CACNA2D3: variants seen among roughly 807,000 people sequenced by gnomAD.
CACNA2D3 encodes calcium voltage-gated channel auxiliary subunit alpha2delta 3, also known as voltage-dependent calcium channel subunit alpha-2/delta-3.
In CACNA2D3, 60 loss-of-function variants were observed where a neutral mutation model predicts 160.6. That is an observed-to-expected ratio of 0.37 (90% confidence interval 0.30 to 0.46). CACNA2D3 has a LOEUF of 0.46. Ranked by LOEUF, CACNA2D3 falls within the 20% of genes least tolerant of loss-of-function variation. The pLI, the probability that CACNA2D3 is intolerant of heterozygous loss-of-function variation, is 1.00. For synonymous variants in CACNA2D3, 558 were observed against 492.9 expected, an observed-to-expected ratio of 1.13 and a Z score of -1.75; for missense variants, 1,205 against 1,365.0, an observed-to-expected ratio of 0.88 and a Z score of 1.85.
At chr3:54,610,444 T>TA (rs1384351709) in intron 9 of CACNA2D3, among the ~76,000 whole-genome samples, 1 of 152,014 alleles carries the variant, frequency 6.6e-6, no homozygotes, top group African/African-American at 2.4e-5. Context: ...TAATGCTTTT[T>TA]TTTTTTTAAG....
At chr3:54,892,271 A>G (rs1295052698) in intron 25 of CACNA2D3, among the ~76,000 whole-genome samples, 1 of 152,136 alleles carries the variant, frequency 6.6e-6, no homozygotes, top group East Asian at 1.9e-4. Flanking sequence ...AGAGGTTACC[A>G]CAGAACATTA....
chr3:54,222,621 A>G (rs6805548), intron 2 of CACNA2D3, among the ~76,000 whole-genome samples: 60,418 of 152,026 alleles, frequency 0.4, 12,432 homozygotes, highest in East Asian at 0.58. Context: ...TTCTAATCCC[A>G]CTACAATGTC....
intron 10 of CACNA2D3, among the ~76,000 whole-genome samples, chr3:54,636,281 A>G (rs2106833561): frequency 6.6e-6 from 1 of 152,090 alleles, no homozygotes; most frequent in East Asian, 1.9e-4. Context: ...AAAGAAGGAA[A>G]TATGGGAAAA....
At chr3:54,362,603 G>A (rs1270469995) in intron 3 of CACNA2D3, among the ~76,000 whole-genome samples, 2 of 152,168 alleles carry the variant, frequency 1.3e-5, no homozygotes, top group Non-Finnish European at 2.9e-5. Context: ...TCCTCATTCT[G>A]CATGTGGGGG....
intron 21 of CACNA2D3, among the ~76,000 whole-genome samples, chr3:54,884,776 C>T (rs750119636): frequency 3.9e-5 from 6 of 152,300 alleles, no homozygotes; most frequent in Non-Finnish European, 7.4e-5. Flanking sequence ...TGAGTATTGA[C>T]GACTTCATAT....
At chr3:55,053,561 A>T (rs1327138116) in intron 35 of CACNA2D3, among the ~76,000 whole-genome samples, 1 of 151,948 alleles carries the variant, frequency 6.6e-6, no homozygotes, top group Non-Finnish European at 1.5e-5. Flanking sequence ...ATGCTGTTTA[A>T]GTAGTATTAC....
intron 4 of CACNA2D3, among the ~76,000 whole-genome samples, chr3:54,443,731 G>A (rs1700178920): frequency 2.0e-5 from 3 of 152,156 alleles, no homozygotes; most frequent in Admixed American, 2.0e-4. Flanking sequence ...CTTCACATTC[G>A]TCTCTTGCCA....
At chr3:54,453,010 C>T (rs1446603040) in intron 4 of CACNA2D3, among the ~76,000 whole-genome samples, 1 of 151,416 alleles carries the variant, frequency 6.6e-6, no homozygotes, top group Non-Finnish European at 1.5e-5. Context: ...CTCTTTCTTT[C>T]TGACAGGGTC....
intron 11 of CACNA2D3, among the ~76,000 whole-genome samples, chr3:54,650,748 G>C (rs1027350976): frequency 1.3e-5 from 2 of 152,286 alleles, no homozygotes; most frequent in Admixed American, 1.3e-4. Flanking sequence ...TGTTCTACCT[G>C]CCTCAGTCTC....
intron 9 of CACNA2D3, among the ~76,000 whole-genome samples, chr3:54,589,476 C>T (rs9849666): frequency 4.1e-4 from 62 of 151,442 alleles, no homozygotes; most frequent in African/African-American, 1.5e-3. Context: ...AGATGTAGGG[C>T]TAGGCAAAGC....
In CACNA2D3 at chr3:55,018,332, C is replaced by T. The variant is rs746607215; in HGVS notation, c.2987+15C>T. ...GACTGCTCCAAGTAAGCCATCCCCCCACCCTCTAACCCCCTACACCTTTCT... is the reference window on the plus strand; with the variant it reads ...GACTGCTCCAAGTAAGCCATCCCCCTACCCTCTAACCCCCTACACCTTTCT... On this transcript the variant is annotated intron_variant, in intron 35 of 37. Coordinates refer to ENST00000474759, the MANE Select transcript of CACNA2D3 (RefSeq NM_018398.3). 7 of 1,487,416 alleles carry T rather than the reference C, an allele frequency of 4.7e-6. No individual in the cohort carries two copies. The highest frequency in any genetic ancestry group is 4.1e-5 in the African/African-American group (3 of 72,454). 92.1% of individuals were successfully genotyped at this position (1,487,416 alleles called of 1,614,324 possible).
intron 5 of CACNA2D3, among the ~76,000 whole-genome samples, chr3:54,519,718 T>C (rs566319796): frequency 1.4e-4 from 22 of 152,352 alleles, no homozygotes; most frequent in Admixed American, 8.5e-4. Flanking sequence ...TATATTTCTG[T>C]ATAATGGATG....
At chr3:54,660,143 C>CT (rs34482934) in intron 11 of CACNA2D3, among the ~76,000 whole-genome samples, 23,256 of 142,670 alleles carry the variant, frequency 0.16, 1,924 homozygotes, top group South Asian at 0.28. Flanking sequence ...CTTTTGGTTT[C>CT]TTTTTTTTTT....
chr3:54,749,510 T>G (rs528339852), intron 11 of CACNA2D3, among the ~76,000 whole-genome samples: 1 of 152,352 alleles, frequency 6.6e-6, no homozygotes, highest in East Asian at 1.9e-4. Flanking sequence ...AAGCATTTTA[T>G]TTGTTATTCC....
chr3:54,141,074 T>C (rs1699918281), intron 2 of CACNA2D3, among the ~76,000 whole-genome samples: 1 of 123,686 alleles, frequency 8.1e-6, no homozygotes, highest in Admixed American at 8.3e-5. Flanking sequence ...TGTGTGTGTG[T>C]GTGTGTGTGT....
intron 11 of CACNA2D3, among the ~76,000 whole-genome samples, chr3:54,654,307 C>T (rs557895889): frequency 6.6e-6 from 1 of 152,032 alleles, no homozygotes; most frequent in Non-Finnish European, 1.5e-5. Context: ...AGGGTGCCCT[C>T]CGGGGCTTGG....
In CACNA2D3 at chr3:55,073,445, G is replaced by A. The variant is rs1489636802; in HGVS notation, c.2988G>A (p.Lys996=). 1 of 1,612,364 alleles carries A rather than the reference G, an allele frequency of 6.2e-7. No homozygotes were observed. The highest frequency in any genetic ancestry group is 1.7e-5 in the Admixed American group (1 of 60,008). The change falls in exon 36 of 38, where the codon AAG becomes AAA. Residue 996 remains lysine (K), a splice_region_variant and synonymous_variant. Coordinates refer to ENST00000474759, the MANE Select transcript of CACNA2D3 (RefSeq NM_018398.3). ...TGNIACEDCS[K]SFVIQQIPSS... is the part of the protein sequence containing the mutation. ...GCCTCGCTACCTCTTGTTCCAACAG[G>A]TCCTTTGTCATCCAGCAAATCCCAA...
chr3:54,704,112 G>A (rs766856526), intron 11 of CACNA2D3, among the ~76,000 whole-genome samples: 16 of 152,210 alleles, frequency 1.1e-4, no homozygotes, highest in Non-Finnish European at 1.9e-4. Context: ...GGTACAAAAG[G>A]CTCAGTGCTC....
intron 5 of CACNA2D3, among the ~76,000 whole-genome samples, chr3:54,541,088 T>C (rs985822864): frequency 1.7e-4 from 26 of 151,814 alleles, no homozygotes; most frequent in Middle Eastern, 3.4e-3. Context: ...CCATCCTGGC[T>C]AACATGGTGA....
Sources: allele counts gnomAD v4.1 joint callset (sites outside exome capture counted in the v4.1 genomes callset), GRCh38; gene constraint gnomAD v4.1.1; transcripts MANE v1.5; gene names NCBI Gene and HGNC (gene_info 2026-07-23, HGNC 2026-07-21).